The following AKT3 variants were observed in gnomAD, a reference collection of about 807,000 sequenced individuals.
The protein encoded by AKT3 is AKT serine/threonine kinase 3.
In AKT3, 15 loss-of-function variants were observed where a neutral mutation model predicts 65.3. That is an observed-to-expected ratio of 0.23 (90% CI 0.15 to 0.35). AKT3 has a LOEUF of 0.35. AKT3 is among the 10% of genes least tolerant of loss of function. The pLI is 1.00. For synonymous variants in AKT3, 206 were observed against 183.8 expected (o/e 1.12, Z -0.98); for missense variants, 243 against 576.5 (o/e 0.42, Z 5.92).
intron 11 of AKT3, among the ~76,000 whole-genome samples, chr1:243,550,958 C>CAAAA (rs60047036): frequency 0.075 from 1,306 of 17,514 alleles, 147 homozygotes; most frequent in East Asian, 0.26. Flanking sequence ...GACTCCCTCT[C>CAAAA]AAAAAAAAAA....
At chr1:243,674,650 C>T (rs1334910230) in intron 3 of AKT3, among the ~76,000 whole-genome samples, 2 of 152,146 alleles carry the variant, frequency 1.3e-5, no homozygotes, top group African/African-American at 4.8e-5. Flanking sequence ...TAGTCTAATA[C>T]TCTGCTGGAC....
At chr1:243,732,416 C>T (rs1687619993) in intron 2 of AKT3, among the ~76,000 whole-genome samples, 1 of 152,192 alleles carries the variant, frequency 6.6e-6, no homozygotes, top group Non-Finnish European at 1.5e-5. Context: ...GGACGTTTCT[C>T]AATCTTTGGA....
At chr1:243,817,821 T>C (rs1693620589) in intron 2 of AKT3, among the ~76,000 whole-genome samples, 1 of 152,252 alleles carries the variant, frequency 6.6e-6, no homozygotes, top group Non-Finnish European at 1.5e-5. Context: ...AGCTTTTTAA[T>C]TTCTTAAACT....
chr1:243,678,202 G>T (rs1015153426), intron 3 of AKT3, among the ~76,000 whole-genome samples: 5 of 152,114 alleles, frequency 3.3e-5, no homozygotes, highest in Middle Eastern at 3.2e-3. Context: ...GTATAGATGT[G>T]TTTTCTTTGC....
intron 6 of AKT3, among the ~76,000 whole-genome samples, chr1:243,627,907 A>G (rs951031703): frequency 6.6e-6 from 1 of 152,190 alleles, no homozygotes; most frequent in Non-Finnish European, 1.5e-5. Context: ...AACCTAAACA[A>G]CAGCAGGCTA....
At chr1:243,792,028 T>C (rs1691661127) in intron 2 of AKT3, among the ~76,000 whole-genome samples, 1 of 152,226 alleles carries the variant, frequency 6.6e-6, no homozygotes, top group African/African-American at 2.4e-5. Flanking sequence ...GAAGAAGATT[T>C]AAGGAAACTC....
At chr1:243,498,683 G>A (rs1165855739), downstream of AKT3, among the ~76,000 whole-genome samples, 1 of 152,214 alleles carries the variant, frequency 6.6e-6, no homozygotes, top group Non-Finnish European at 1.5e-5. Flanking sequence ...TCTCTTGAAT[G>A]CGGATTCAGT....
intron 2 of AKT3, among the ~76,000 whole-genome samples, chr1:243,698,590 A>T (rs1316171454): frequency 6.6e-6 from 1 of 152,098 alleles, no homozygotes; most frequent in Admixed American, 6.6e-5. Flanking sequence ...CCAAAAAGCT[A>T]TTTAAAAATA....
At chr1:243,663,669 A>G (rs1682557145) in intron 4 of AKT3, among the ~76,000 whole-genome samples, 1 of 152,248 alleles carries the variant, frequency 6.6e-6, no homozygotes, top group Admixed American at 6.5e-5. Flanking sequence ...TGTTATTAAA[A>G]TAATACTTTA....
At chr1:243,496,888 G>A (rs1192268532), downstream of AKT3, among the ~76,000 whole-genome samples, 1 of 152,262 alleles carries the variant, frequency 6.6e-6, no homozygotes, top group East Asian at 1.9e-4. Flanking sequence ...CTGTGTGCCT[G>A]CAGATGGGGG....
chr1:243,777,434 A>G (rs1690626618), intron 2 of AKT3, among the ~76,000 whole-genome samples: 1 of 152,208 alleles, frequency 6.6e-6, no homozygotes, highest in Non-Finnish European at 1.5e-5. Context: ...CTGCACTGTA[A>G]AACAGGTAGG....
intron 2 of AKT3, among the ~76,000 whole-genome samples, chr1:243,830,722 T>A (rs1364215934): frequency 6.6e-6 from 1 of 152,192 alleles, no homozygotes; most frequent in Non-Finnish European, 1.5e-5. Flanking sequence ...AGAGGTACTT[T>A]ACCGTTCTAA....
chr1:243,557,344 T>C (rs1479806127), intron 10 of AKT3, among the ~76,000 whole-genome samples: 1 of 152,060 alleles, frequency 6.6e-6, no homozygotes, highest in Non-Finnish European at 1.5e-5. Context: ...GTACAGAGAA[T>C]TTAAAATTAA....
chr1:243,515,217 G>C (rs1184873147), intron 12 of AKT3, among the ~76,000 whole-genome samples: 1 of 152,170 alleles, frequency 6.6e-6, no homozygotes, highest in Non-Finnish European at 1.5e-5. Flanking sequence ...CCTGCTCCCA[G>C]TTTGGGGCAA....
chr1:243,783,886 G>A (rs1691075692), intron 2 of AKT3, among the ~76,000 whole-genome samples: 1 of 151,930 alleles, frequency 6.6e-6, no homozygotes, highest in Admixed American at 6.6e-5. Context: ...TAAACCCATG[G>A]GAAAATGTAC....
chr1:243,746,845 A>C (rs1688498739), intron 2 of AKT3, among the ~76,000 whole-genome samples: 1 of 151,570 alleles, frequency 6.6e-6, no homozygotes, highest in South Asian at 2.1e-4. Flanking sequence ...AGAAATTTTC[A>C]GCCCTGTGTT....
At chr1:243,653,479 C>T (rs1434010873) in intron 4 of AKT3, among the ~76,000 whole-genome samples, 1 of 152,148 alleles carries the variant, frequency 6.6e-6, no homozygotes, top group Non-Finnish European at 1.5e-5. Context: ...AGAGGGAATC[C>T]TCCCTAACTC....
intron 2 of AKT3, among the ~76,000 whole-genome samples, chr1:243,804,932 T>TA (rs969950815): frequency 6.6e-6 from 1 of 152,164 alleles, no homozygotes; most frequent in Non-Finnish European, 1.5e-5. Flanking sequence ...TAAATAGTAT[T>TA]AGAGTGTTAC....
intron 5 of AKT3, among the ~76,000 whole-genome samples, chr1:243,641,273 TAC>T (rs974876841): frequency 1.3e-3 from 186 of 144,700 alleles, no homozygotes; most frequent in Middle Eastern, 3.5e-3. Context: ...TATATATATA[TAC>T]ACACACACAC....
Sources: allele counts gnomAD v4.1 joint callset (sites outside exome capture counted in the v4.1 genomes callset), GRCh38; gene constraint gnomAD v4.1.1; transcripts MANE v1.5; gene names NCBI Gene and HGNC (gene_info 2026-07-23, HGNC 2026-07-21).